Variants in WRAP73 observed in about 807,000 individuals in gnomAD.
WRAP73 encodes WD repeat containing, antisense to TP73.
Under a neutral mutation model 59.6 loss-of-function variants are expected in WRAP73, and 55 were observed. That is an observed-to-expected ratio of 0.92 (90% confidence interval 0.74 to 1.15). The LOEUF (loss-of-function observed/expected upper bound fraction) is 1.15, where lower values mean the gene tolerates loss of function less well. WRAP73 is among the 50% of genes most tolerant of loss of function. The pLI is 0.00. For missense variants in WRAP73, 592 were observed against 608.1 expected (o/e 0.97, Z 0.28); for synonymous variants, 265 against 258.2 (o/e 1.03, Z -0.25).
At chr1:3,647,611 G>A in intron 1 of WRAP73, 51 bp from the exon 2 acceptor site, 1 of 1,586,584 alleles carries the variant, frequency 6.3e-7, no homozygotes, top group Non-Finnish European at 8.6e-7. Flanking sequence ...CCAAAAGAGG[G>A]GGGCCTTCGG....
At chr1:3,632,411 T>G in intron 9 of WRAP73, 73 bp from the exon 10 acceptor site, 3 of 1,610,540 alleles carry the variant, frequency 1.9e-6, no homozygotes, top group Non-Finnish European at 1.7e-6. Flanking sequence ...GAGGCTGCTG[T>G]GCCTGCATCG....
chr1:3,648,920 C>G (rs1275449803), intron 1 of WRAP73, among the ~76,000 whole-genome samples: 4 of 152,110 alleles, frequency 2.6e-5, no homozygotes, highest in Non-Finnish European at 4.4e-5. Context: ...TAAAACCTCC[C>G]TGAAGAGGTA....
rs1644539162 is a variant in WRAP73 at position 3,631,935 on chromosome 1, G to A, written c.1048+278C>T. 4 of 1,385,422 alleles carry A rather than the reference G, an allele frequency of 2.9e-6. No individual in the cohort carries two copies. The South Asian group carries it at 6.8e-5, about 24-fold the overall frequency. The allele number at this position is 1,385,422 out of a possible 1,614,324, so 85.8% of individuals were successfully genotyped here. ...ACAAATGGAGAAACCCTTAACAAAAGGCGGGCTGCAGTGTGCCCAGCCCTG... is the reference window on the plus strand; with the variant it reads ...ACAAATGGAGAAACCCTTAACAAAAAGCGGGCTGCAGTGTGCCCAGCCCTG... On this transcript the variant is annotated intron_variant, in intron 10 of 11. Coordinates refer to ENST00000270708, the MANE Select transcript of WRAP73 (RefSeq NM_017818.4).
chr1:3,635,367 G>A (rs770644039), intron 6 of WRAP73, 73 bp from the exon 7 acceptor site: 245 of 1,586,128 alleles, frequency 1.5e-4, no homozygotes, highest in Non-Finnish European at 2.0e-4. Flanking sequence ...CGCGGGTGCT[G>A]CAGAGTGACA....
chr1:3,637,872 T>C (rs1468434906), intron 4 of WRAP73, among the ~76,000 whole-genome samples: 1 of 152,182 alleles, frequency 6.6e-6, no homozygotes, highest in African/African-American at 2.4e-5. Context: ...GAAGAAACTT[T>C]AGTTGAAAAT....
intron 10 of WRAP73, 121 bp from the exon 11 acceptor site, chr1:3,631,778 G>T: frequency 3.4e-6 from 5 of 1,453,712 alleles, no homozygotes; most frequent in Non-Finnish European, 4.5e-6. Flanking sequence ...GGGGTGGGGC[G>T]GCTGCACCCT....
intron 1 of WRAP73, among the ~76,000 whole-genome samples, chr1:3,648,596 A>G (rs1342173071): frequency 1.3e-5 from 2 of 152,222 alleles, no homozygotes; most frequent in Non-Finnish European, 2.9e-5. Flanking sequence ...AAGATATGAA[A>G]ACTAGAAACA....
rs370398298 is a variant in WRAP73 at position 3,646,675 on chromosome 1, C to T, written c.330G>A (p.Thr110=). ...SPDGRHILNT[T]EFHLRITVWS... is the part of the protein sequence containing the mutation. ...TGGGGCTGACACTTACATGGAATTC[C>T]GTGGTGTTGAGAATGTGGCGCCCGT... The change falls in exon 3 of 12, where the codon ACG becomes ACA. Residue 110 remains threonine, a synonymous_variant. Transcript: ENST00000270708. This position sits in a 1 kb window ranked among gnomAD's most constrained non-coding sequence, Gnocchi z 5.1. 14 of 1,597,702 alleles carry T rather than the reference C, an allele frequency of 8.8e-6. No individual in the cohort carries two copies. The highest frequency in any genetic ancestry group is 4.0e-5 in the African/African-American group (3 of 74,244).
chr1:3,647,350 C>T, intron 2 of WRAP73, 58 bp downstream of exon 2: 3 of 1,523,926 alleles, frequency 2.0e-6, no homozygotes, highest in Non-Finnish European at 1.8e-6. Context: ...AACAAAACCC[C>T]TCCTTCCCAG....
At chr1:3,649,906 C>T (rs761489635) in intron 1 of WRAP73, 25 bp downstream of exon 1, 8 of 1,586,312 alleles carry the variant, frequency 5.0e-6, no homozygotes, top group Non-Finnish European at 6.8e-6. Flanking sequence ...ATGTCCTGCC[C>T]GTGGCCCAGG....
At position 3,650,065 on chromosome 1, in the gene WRAP73, G is replaced by C. The variant is rs561941921; in HGVS notation, c.-66C>G. ...CCGCGGGACCCCTGGGCGCGCAGCA[G>C]GCTGCAACAGCCGACGCCGGCCTCC... is the stretch of plus-strand genomic sequence containing the variant. On this transcript the variant is annotated 5_prime_UTR_variant, in exon 1 of 12. Transcript: ENST00000270708. 2.9e-4 allele frequency: 129 copies of C among 440,458 alleles called. 1 individual carries two copies. The South Asian group carries it at 5.3e-3, about 18-fold the overall frequency. 27.3% of individuals were successfully genotyped at this position (440,458 alleles called of 1,614,324 possible). A position where few individuals can be genotyped will look rare whatever the true frequency, so the allele number is the denominator to read the frequency against.
At chr1:3,631,969 TCAG>T in intron 10 of WRAP73, 1 of 1,399,368 alleles carries the variant, frequency 7.1e-7, no homozygotes. Flanking sequence ...TGCTTTCTAC[TCAG>T]CAGAGTGGAG....
Position 3,630,850 on chromosome 1 carries a change from T to G in WRAP73, c.*125A>C. On this transcript the variant is annotated 3_prime_UTR_variant, in exon 12 of 12. Coordinates refer to ENST00000270708, the MANE Select transcript of WRAP73 (RefSeq NM_017818.4). ...ACATATTTACAAAAATGCTTTGCTA[T>G]AGAAAAATAGAATCAATCACTGAAT... The G allele has an allele frequency of 3.1e-6, 4 of 1,301,220 alleles. No individual in the cohort carries two copies. Among genetic ancestry groups the G allele is most frequent in the Non-Finnish European group, 4.2e-6 (4 of 950,218 alleles). 80.6% of individuals were successfully genotyped at this position (1,301,220 alleles called of 1,614,324 possible).
In WRAP73 at chr1:3,635,273, A is replaced by G. The variant is rs1314085236; in HGVS notation, c.625T>C (p.Leu209=). Residue 209 remains leucine, a synonymous_variant, in exon 7 of 12, where the codon TTG becomes CTG. Transcript: ENST00000270708. The part of the protein sequence containing the change: ...CLEYKILLYS[L]DGRLLSTYSA... ...TACGTGGACAACAACCGGCCATCCA[A>G]TGAGTACAGCAGAATCTTGTACTGC... The G allele has an allele frequency of 6.2e-7, 1 of 1,613,984 alleles. No homozygotes were observed. The highest frequency in any genetic ancestry group is 8.5e-7 in the Non-Finnish European group (1 of 1,180,042).
chr1:3,631,495 C>T lies in WRAP73; in HGVS notation c.1211G>A (p.Gly404Asp), dbSNP rs1644532487. Reference sequence around the variant, plus strand: ...CCCAGGCACCTGCACCGACATGCAGCCCGCTGGGGACCACAGGTAGAGCCT... The same window carrying T: ...CCCAGGCACCTGCACCGACATGCAGTCCGCTGGGGACCACAGGTAGAGCCT... ...GSRLYLWSPA[G>D]CMSVQVPGEG... Residue 404 changes from glycine (G) to aspartate (D), a missense_variant, in exon 11 of 12, where the codon GGC (glycine) becomes GAC (aspartate). Transcript: ENST00000270708. 6.2e-7 allele frequency: 1 copy of T among 1,606,724 alleles called. No homozygotes were observed. Among genetic ancestry groups the T allele is most frequent in the South Asian group, 1.1e-5 (1 of 90,034 alleles).
intron 3 of WRAP73, among the ~76,000 whole-genome samples, chr1:3,643,056 G>A (rs925500980): frequency 2.2e-4 from 34 of 152,342 alleles, no homozygotes; most frequent in Middle Eastern, 6.8e-3. Context: ...CCCAGGAGAC[G>A]GGGACAACAC....
rs918048489 is a variant in WRAP73 at position 3,632,824 on chromosome 1, T to A, written c.923-486A>T. On this transcript the variant is annotated intron_variant, in intron 9 of 11. Coordinates refer to ENST00000270708, the MANE Select transcript of WRAP73 (RefSeq NM_017818.4). ...GGGGAGCGCCTCCTGTGTGCCAGGC[T>A]GCACCTGTCCTGACCCCCATCCTGA... 34 of 244,820 alleles carry A rather than the reference T, an allele frequency of 1.4e-4. 1 individual carries two copies. The Admixed American group carries it at 1.8e-3, about 13-fold the overall frequency. 15.2% of individuals were successfully genotyped at this position (244,820 alleles called of 1,614,324 possible).
intron 1 of WRAP73, among the ~76,000 whole-genome samples, chr1:3,648,745 T>C (rs1644713302): frequency 6.6e-6 from 1 of 152,244 alleles, no homozygotes; most frequent in Admixed American, 6.5e-5. Flanking sequence ...GATGTAATCT[T>C]TCTCCTTATA....
chr1:3,647,635 T>G, intron 1 of WRAP73, 75 bp from the exon 2 acceptor site: 1 of 1,511,236 alleles, frequency 6.6e-7, no homozygotes, highest in South Asian at 1.3e-5. Flanking sequence ...GCTACTGCCC[T>G]GGCCTTCAGT....
Sources: gnomAD v4.1 joint callset for allele counts (sites outside exome capture counted in the v4.1 genomes callset) on GRCh38, gnomAD v4.1.1 for gene constraint, Gnocchi (gnomAD v3.1) non-coding constraint, MANE v1.5 for transcripts, NCBI Gene and HGNC (gene_info 2026-07-23, HGNC 2026-07-21) for gene names.